Variants in GPC5 observed in about 807,000 individuals in gnomAD.
The protein encoded by GPC5 is glypican 5, also known as glypican-5.
GPC5 carries 47 observed loss-of-function variants against 53.9 expected under a neutral mutation model. That is an observed-to-expected ratio of 0.87 (90% CI 0.69 to 1.11). The LOEUF is 1.11. GPC5 is among the 50% of genes most tolerant of loss of function. GPC5 has a pLI of 0.00. For synonymous variants in GPC5, 286 were observed against 263.3 expected, an observed-to-expected ratio of 1.09 and a Z score of -0.84; for missense variants, 748 against 713.1, an observed-to-expected ratio of 1.05 and a Z score of -0.56.
At chr13:91,738,388 C>A (rs925366451) in intron 4 of GPC5, among the ~76,000 whole-genome samples, 6 of 151,278 alleles carry the variant, frequency 4.0e-5, no homozygotes, top group Non-Finnish European at 1.5e-5. Context: ...CTCACCATAA[C>A]CGTGGTTGAC....
chr13:92,755,541 G>C (rs1874822523), intron 7 of GPC5, among the ~76,000 whole-genome samples: 1 of 151,618 alleles, frequency 6.6e-6, no homozygotes, highest in African/African-American at 2.4e-5. Flanking sequence ...GAATCCAGGA[G>C]CTGGTTTTTT....
chr13:92,227,415 G>A (rs918862220), intron 7 of GPC5, among the ~76,000 whole-genome samples: 5 of 152,154 alleles, frequency 3.3e-5, no homozygotes, highest in African/African-American at 1.2e-4. Context: ...TTTCGCAGAA[G>A]GAAACATTGC....
At chr13:92,654,025 A>G (rs1334594212) in intron 7 of GPC5, among the ~76,000 whole-genome samples, 27 of 152,194 alleles carry the variant, frequency 1.8e-4, no homozygotes. Flanking sequence ...TCCCCCACAA[A>G]TAGAACAGTG....
chr13:92,698,996 A>G (rs969204206), intron 7 of GPC5, among the ~76,000 whole-genome samples: 39 of 152,134 alleles, frequency 2.6e-4, no homozygotes, highest in Non-Finnish European at 4.3e-4. Flanking sequence ...TTTCAGAAGA[A>G]ATGGTACCAG....
chr13:92,055,113 C>T (rs1426442644), intron 6 of GPC5, among the ~76,000 whole-genome samples: 3 of 152,154 alleles, frequency 2.0e-5, no homozygotes, highest in Non-Finnish European at 1.5e-5. Context: ...CAACTAGCAA[C>T]TTTCATTAGA....
chr13:91,668,339 A>G (rs948130462), intron 2 of GPC5, among the ~76,000 whole-genome samples: 3 of 152,222 alleles, frequency 2.0e-5, no homozygotes, highest in Admixed American at 6.5e-5. Context: ...AAGCTACAGT[A>G]TCAGCTAGCA....
chr13:92,831,720 T>C (rs991061146), intron 7 of GPC5, among the ~76,000 whole-genome samples: 21 of 152,158 alleles, frequency 1.4e-4, no homozygotes. Flanking sequence ...ATCCAGGAGC[T>C]CCAATAATGT....
At chr13:92,094,925 C>T (rs1415390108) in intron 6 of GPC5, among the ~76,000 whole-genome samples, 2 of 151,972 alleles carry the variant, frequency 1.3e-5, no homozygotes, top group African/African-American at 4.8e-5. Context: ...TAACCTTTGG[C>T]TTGTCCTTTT....
chr13:92,316,248 A>G (rs1157271952), intron 7 of GPC5, among the ~76,000 whole-genome samples: 2 of 152,174 alleles, frequency 1.3e-5, no homozygotes, highest in Non-Finnish European at 2.9e-5. Flanking sequence ...TTTTCTTTCT[A>G]TCCAGTAAAT....
chr13:92,182,897 A>AT lies in GPC5; in HGVS notation c.1561+37912dup, dbSNP rs200149301. Reference sequence around the variant, plus strand: ...AAAAGAAAAAAAAAAAAAAGTAAACATTTTAACACCTACCCTTGATACATC... The same window carrying AT: ...AAAAGAAAAAAAAAAAAAAGTAAACATTTTTAACACCTACCCTTGATACATC... On this transcript the variant is annotated intron_variant, in intron 7 of 7. Coordinates refer to ENST00000377067, the MANE Select transcript of GPC5 (RefSeq NM_004466.6). Among the ~76,000 whole-genome samples the AT allele has an allele frequency of 9.9e-3, 1,501 of 152,060 alleles. 18 individuals are homozygous for AT. Among genetic ancestry groups the AT allele is most frequent in the South Asian group, 0.043 (206 of 4,804 alleles).
intron 1 of GPC5, among the ~76,000 whole-genome samples, chr13:91,404,841 C>T (rs1877201513): frequency 6.6e-6 from 1 of 152,116 alleles, no homozygotes; most frequent in Non-Finnish European, 1.5e-5. Flanking sequence ...CACCGAAATG[C>T]CTTTGCATTG....
chr13:92,148,883 A>C (rs1164105761), intron 7 of GPC5, among the ~76,000 whole-genome samples: 1 of 152,124 alleles, frequency 6.6e-6, no homozygotes, highest in Non-Finnish European at 1.5e-5. Context: ...AATGTTGAAA[A>C]GCAGAACTAC....
intron 7 of GPC5, among the ~76,000 whole-genome samples, chr13:92,221,217 C>G (rs2042446029): frequency 6.6e-6 from 1 of 152,078 alleles, no homozygotes. Context: ...TGTGACTATC[C>G]AAGGGTAGAA....
chr13:92,532,580 C>T (rs1594282868), intron 7 of GPC5, among the ~76,000 whole-genome samples: 1 of 152,086 alleles, frequency 6.6e-6, no homozygotes, highest in African/African-American at 2.4e-5. Context: ...TTCTTTTTTT[C>T]ACTTATCAGA....
intron 6 of GPC5, among the ~76,000 whole-genome samples, chr13:91,984,420 G>A (rs1339017076): frequency 2.0e-5 from 3 of 152,092 alleles, no homozygotes; most frequent in Admixed American, 6.6e-5. Flanking sequence ...TAGAACTTCG[G>A]GCTATAGTCC....
At chr13:92,346,435 C>G (rs1249679724) in intron 7 of GPC5, among the ~76,000 whole-genome samples, 1 of 152,204 alleles carries the variant, frequency 6.6e-6, no homozygotes, top group Non-Finnish European at 1.5e-5. Flanking sequence ...CTAGCAGCCC[C>G]ACCTGACATT....
At chr13:91,753,845 A>G (rs1348885742) in intron 4 of GPC5, among the ~76,000 whole-genome samples, 1 of 152,018 alleles carries the variant, frequency 6.6e-6, no homozygotes, top group Non-Finnish European at 1.5e-5. Context: ...ATATCTTCTG[A>G]TTCCTCTGTG....
rs115422111 is a variant in GPC5 at position 92,426,036 on chromosome 13, T to C, written c.1561+281047T>C. 9.5e-3 allele frequency among the ~76,000 whole-genome samples: 1,445 copies of C among 152,250 alleles called. 19 individuals are homozygous for C. Among genetic ancestry groups the C allele is most frequent in the African/African-American group, 0.033 (1,352 of 41,566 alleles). The stretch of plus-strand genomic sequence containing the variant: ...GGTATTTAGGCTTATTCTACTTTTC[T>C]GTTAAAACAATACAACACCGAACAC... On this transcript the variant is annotated intron_variant, in intron 7 of 7. Coordinates refer to ENST00000377067, the MANE Select transcript of GPC5 (RefSeq NM_004466.6).
rs11456004 is a variant in GPC5 at position 92,203,755 on chromosome 13, G to GAA, written c.1561+58777_1561+58778dup. Among the ~76,000 whole-genome samples, 42 of 142,450 alleles carry GAA rather than the reference G, an allele frequency of 2.9e-4. 1 individual carries two copies. Among genetic ancestry groups the GAA allele is most frequent in the Middle Eastern group, 3.6e-3 (1 of 280 alleles). 93.5% of individuals were successfully genotyped at this position (142,450 alleles called of 152,430 possible). A position where few individuals can be genotyped will look rare whatever the true frequency, so the allele number is the denominator to read the frequency against. On this transcript the variant is annotated intron_variant, in intron 7 of 7. Coordinates refer to ENST00000377067, the MANE Select transcript of GPC5 (RefSeq NM_004466.6). ...ACTTTAACTTCCAAAAACTTACTAG[G>GAA]AAAAAAAAAAAATCAGCAACAGAAG... is the stretch of plus-strand genomic sequence containing the variant.
Sources: gnomAD v4.1 joint callset for allele counts (sites outside exome capture counted in the v4.1 genomes callset) on GRCh38, gnomAD v4.1.1 for gene constraint, MANE v1.5 for transcripts, NCBI Gene and HGNC (gene_info 2026-07-23, HGNC 2026-07-21) for gene names.